Variants in ABLIM1 observed in about 807,000 individuals in gnomAD.
The protein encoded by ABLIM1 is actin binding LIM protein 1, also known as actin-binding LIM protein 1.
ABLIM1 carries 40 observed loss-of-function variants against 107.0 expected under a neutral mutation model. The observed-to-expected ratio is 0.37, with a 90% CI of 0.29 to 0.49. The LOEUF (loss-of-function observed/expected upper bound fraction) is 0.49. ABLIM1 is among the 20% of genes least tolerant of loss of function. The pLI, the probability that ABLIM1 is intolerant of heterozygous loss-of-function variation, is 0.97. For synonymous variants in ABLIM1, 357 were observed against 357.3 expected (o/e 1.00, Z 0.01); for missense variants, 857 against 1,008.5 (o/e 0.85, Z 2.04).
chr10:114,557,825 C>T (rs2068988508), intron 4 of ABLIM1, among the ~76,000 whole-genome samples: 2 of 123,126 alleles, frequency 1.6e-5, no homozygotes, highest in Non-Finnish European at 1.7e-5. Context: ...AGAAAAGGAC[C>T]CTTATGACTC....
At chr10:114,476,694 A>G (rs2056486137) in intron 8 of ABLIM1, among the ~76,000 whole-genome samples, 1 of 135,426 alleles carries the variant, frequency 7.4e-6, no homozygotes, top group South Asian at 2.2e-4. Flanking sequence ...TGCAATTTCT[A>G]GATCCATTTC....
At position 114,766,334 on chromosome 10, in the gene ABLIM1, T is replaced by C. The variant is rs149245752; in HGVS notation, c.-213+1727A>G. 7.6e-3 allele frequency among the ~76,000 whole-genome samples: 1,156 copies of C among 152,278 alleles called. 11 individuals are homozygous for C. Among genetic ancestry groups the C allele is most frequent in the African/African-American group, 0.027 (1,112 of 41,546 alleles). The stretch of plus-strand genomic sequence containing the variant: ...ACTGTTAAATGCAAGATGACCAACA[T>C]GAAGTTTGAAGGGGAAATAAGACAA... On this transcript the variant is annotated intron_variant, in intron 1 of 15. Coordinates refer to the ABLIM1 transcript ENST00000651092.
chr10:114,567,675 C>T (rs565824675), intron 4 of ABLIM1, among the ~76,000 whole-genome samples: 2 of 152,318 alleles, frequency 1.3e-5, no homozygotes, highest in South Asian at 4.1e-4. Flanking sequence ...AATGTCCACT[C>T]CATCCACTTT....
chr10:114,796,961 C>G, the ABLIM1 span, among the ~76,000 whole-genome samples: 10 of 152,152 alleles, frequency 6.6e-5, no homozygotes, highest in Non-Finnish European at 1.5e-4. Context: ...TTGACCTCAT[C>G]ATCTCTAATG....
At chr10:114,676,338 G>A (rs1295506860) in intron 1 of ABLIM1, among the ~76,000 whole-genome samples, 4 of 152,020 alleles carry the variant, frequency 2.6e-5, no homozygotes, top group African/African-American at 4.8e-5. Flanking sequence ...TTAGCTGGGT[G>A]TGGTGGTGCG....
intron 1 of ABLIM1, among the ~76,000 whole-genome samples, chr10:114,708,737 A>G (rs1412174061): frequency 6.6e-6 from 1 of 152,202 alleles, no homozygotes; most frequent in Non-Finnish European, 1.5e-5. Context: ...CTAAAAGTCA[A>G]TTCTAGGTGA....
At chr10:114,719,462 C>T (rs1240116773) in intron 1 of ABLIM1, among the ~76,000 whole-genome samples, 1 of 152,212 alleles carries the variant, frequency 6.6e-6, no homozygotes, top group African/African-American at 2.4e-5. Context: ...CACTTCACCA[C>T]ATTTCCAGAG....
intron 1 of ABLIM1, among the ~76,000 whole-genome samples, chr10:114,701,290 T>C (rs980249886): frequency 3.9e-5 from 6 of 152,152 alleles, no homozygotes; most frequent in Admixed American, 6.5e-5. Flanking sequence ...TGTGAGACAA[T>C]TGTAACTCTA....
chr10:114,755,354 G>C (rs186428048), intron 1 of ABLIM1, among the ~76,000 whole-genome samples: 1 of 152,172 alleles, frequency 6.6e-6, no homozygotes, highest in African/African-American at 2.4e-5. Context: ...CCAGTCCCTG[G>C]TGCCAAAAAG....
chr10:114,789,131 T>C, the ABLIM1 span, among the ~76,000 whole-genome samples: 102 of 152,032 alleles, frequency 6.7e-4, 3 homozygotes, highest in South Asian at 0.02. Flanking sequence ...GGCACGTGCC[T>C]GTAGTCCCAG....
the ABLIM1 span, among the ~76,000 whole-genome samples, chr10:114,793,214 G>A: frequency 6.6e-5 from 10 of 152,258 alleles, no homozygotes; most frequent in East Asian, 1.7e-3. Context: ...CCTGGTGGGA[G>A]GTAACTGGAT....
At chr10:114,703,926 AAAGG>A (rs2081355316) in intron 1 of ABLIM1, among the ~76,000 whole-genome samples, 1 of 152,158 alleles carries the variant, frequency 6.6e-6, no homozygotes, top group Non-Finnish European at 1.5e-5. Context: ...GCATCAATGT[AAAGG>A]AGTGAATGTA....
At chr10:114,463,106 G>A in intron 12 of ABLIM1, 1 of 1,330,268 alleles carries the variant, frequency 7.5e-7, no homozygotes, top group Non-Finnish European at 1.0e-6. Flanking sequence ...CGCTGTGGGT[G>A]GGGCTGAGGC....
intron 1 of ABLIM1, among the ~76,000 whole-genome samples, chr10:114,671,127 A>G (rs2080236784): frequency 6.6e-6 from 1 of 152,194 alleles, no homozygotes; most frequent in Non-Finnish European, 1.5e-5. Context: ...TACTATTCTG[A>G]CTTAATCTCA....
At position 114,658,101 on chromosome 10, in the gene ABLIM1, T is replaced by G. The variant is rs746121624; in HGVS notation, c.100A>C (p.Arg34=). The G allele has an allele frequency of 1.4e-5, 22 of 1,614,130 alleles. No homozygotes were observed. The highest frequency in any genetic ancestry group is 8.5e-7 in the Non-Finnish European group (1 of 1,180,044). Residue 34 remains arginine, a synonymous_variant, in exon 1 of 23, where the codon AGA becomes CGA. Coordinates refer to ENST00000533213, the MANE Select transcript of ABLIM1 (RefSeq NM_002313.7). Reference sequence around the variant, plus strand: ...CGGTCCTCAACAATCAGTCTCTTTCTGTTCGAGCCCCTGGCACTGGTTCTC... The same window carrying G: ...CGGTCCTCAACAATCAGTCTCTTTCGGTTCGAGCCCCTGGCACTGGTTCTC... ...SERTSARGSN[R]KRLIVEDRRV...
chr10:114,727,942 A>T (rs1430850657), intron 1 of ABLIM1, among the ~76,000 whole-genome samples: 1 of 152,196 alleles, frequency 6.6e-6, no homozygotes. Context: ...AATAAATAAA[A>T]TTTCTGTTCA....
intron 1 of ABLIM1, among the ~76,000 whole-genome samples, chr10:114,640,210 T>G (rs1300250869): frequency 6.6e-6 from 1 of 152,170 alleles, no homozygotes; most frequent in African/African-American, 2.4e-5. Context: ...TGGTAAAATG[T>G]GCACGTATCA....
At chr10:114,582,099 T>C (rs748400894) in intron 2 of ABLIM1, among the ~76,000 whole-genome samples, 2 of 152,112 alleles carry the variant, frequency 1.3e-5, no homozygotes, top group Non-Finnish European at 2.9e-5. Flanking sequence ...GATGATATGA[T>C]TCTATACCTG....
chr10:114,777,728 C>G, the ABLIM1 span, among the ~76,000 whole-genome samples: 1 of 152,176 alleles, frequency 6.6e-6, no homozygotes, highest in Non-Finnish European at 1.5e-5. Context: ...ACGCAAGCAC[C>G]AAGAGTCCCT....
Sources: gnomAD v4.1 joint callset for allele counts (sites outside exome capture counted in the v4.1 genomes callset) on GRCh38, gnomAD v4.1.1 for gene constraint, MANE v1.5 for transcripts, NCBI Gene and HGNC (gene_info 2026-07-23, HGNC 2026-07-21) for gene names.